The following WDSUB1 variants were observed in gnomAD, a reference collection of about 807,000 sequenced individuals.
The protein encoded by WDSUB1 is WD repeat, sterile alpha motif and U-box domain containing 1.
In WDSUB1, 49 loss-of-function variants were observed where a neutral mutation model predicts 53.9. The ratio of observed to expected loss-of-function variants is 0.91; its 90% CI spans 0.72 to 1.15. The LOEUF is 1.15. Among genes scored for constraint, WDSUB1 ranks in the 50% most tolerant of loss-of-function variants. The pLI is 0.00. For synonymous variants in WDSUB1, 194 were observed against 200.6 expected (o/e 0.97, Z 0.28); for missense variants, 514 against 562.0 (o/e 0.91, Z 0.86).
chr2:159,250,088 C>CAAACAAAAAAAAA (rs2060914785), intron 9 of WDSUB1, among the ~76,000 whole-genome samples: 1 of 83,528 alleles, frequency 1.2e-5, no homozygotes, highest in Non-Finnish European at 2.7e-5. Context: ...GACTCTGCCT[C>CAAACAAAAAAAAA]AAAAAAAAAA....
At chr2:159,275,894 C>G (rs935965788) in intron 3 of WDSUB1, among the ~76,000 whole-genome samples, 5 of 152,190 alleles carry the variant, frequency 3.3e-5, no homozygotes, top group African/African-American at 1.2e-4. Context: ...GAACTCAAGG[C>G]TGCAAGGACC....
At chr2:159,272,266 A>G (rs2061458226) in intron 4 of WDSUB1, among the ~76,000 whole-genome samples, 1 of 152,248 alleles carries the variant, frequency 6.6e-6, no homozygotes, top group Non-Finnish European at 1.5e-5. Context: ...TCGGTTACGG[A>G]TTGCAGAAAC....
At chr2:159,263,337 T>C (rs574161125) in intron 5 of WDSUB1, among the ~76,000 whole-genome samples, 2 of 152,348 alleles carry the variant, frequency 1.3e-5, no homozygotes, top group Admixed American at 1.3e-4. Flanking sequence ...TAGAAAGGAT[T>C]TGCAGTCTCT....
intron 9 of WDSUB1, among the ~76,000 whole-genome samples, chr2:159,253,970 TTATTC>T (rs1164363527): frequency 6.6e-6 from 1 of 152,204 alleles, no homozygotes; most frequent in African/African-American, 2.4e-5. Context: ...TTTTACTACT[TTATTC>T]TAATTTGTTG....
At chr2:159,246,750 G>C (rs911224270) in intron 10 of WDSUB1, among the ~76,000 whole-genome samples, 1 of 152,258 alleles carries the variant, frequency 6.6e-6, no homozygotes, top group Middle Eastern at 3.4e-3. Flanking sequence ...AAAGTCCACT[G>C]ACAGGTTAAT....
At chr2:159,274,449 A>T (rs2061500389) in intron 4 of WDSUB1, among the ~76,000 whole-genome samples, 2 of 152,228 alleles carry the variant, frequency 1.3e-5, no homozygotes, top group African/African-American at 4.8e-5. Context: ...AAGGAAAATT[A>T]GAATGACACA....
rs144493205 is a variant in WDSUB1, at chr2:159,236,082, C to T, written c.1382G>A (p.Arg461Lys). ...VLPSAVLTPN[R>K]TLKMAINRWL... is the part of the protein sequence containing the mutation. ...TCTATTGATGGCCATTTTCAGAGTC[C>T]TATTTGGTGTAAGTACCGCTGAAGG... is the stretch of plus-strand genomic sequence containing the variant. The change falls in exon 11 of 11, where the codon AGG becomes AAG. Residue 461 changes from arginine (R) to lysine (K), a missense_variant. Coordinates refer to ENST00000359774, the MANE Select transcript of WDSUB1 (RefSeq NM_001128212.3). 5.6e-6 allele frequency: 9 copies of T among 1,613,232 alleles called. No homozygotes were observed. In the African/African-American group the frequency reaches 9.3e-5, roughly 17 times the overall value.
At chr2:159,268,661 A>T (rs77602681) in intron 5 of WDSUB1, among the ~76,000 whole-genome samples, 2 of 152,220 alleles carry the variant, frequency 1.3e-5, no homozygotes, top group African/African-American at 4.8e-5. Context: ...ATCAGACAGG[A>T]AAGTTTTAGA....
intron 5 of WDSUB1, among the ~76,000 whole-genome samples, chr2:159,262,516 T>TG (rs1339535219): frequency 1.6e-5 from 2 of 122,754 alleles, no homozygotes; most frequent in Non-Finnish European, 4.2e-5. Flanking sequence ...ACTGAATCCA[T>TG]GGAAAAAAAA....
chr2:159,240,080 C>A (rs1458873429), intron 10 of WDSUB1, among the ~76,000 whole-genome samples: 1 of 152,284 alleles, frequency 6.6e-6, no homozygotes, highest in South Asian at 2.1e-4. Flanking sequence ...AGCGTGTGGC[C>A]ACCTCTAACT....
chr2:159,246,045 G>C (rs903291381), intron 10 of WDSUB1, among the ~76,000 whole-genome samples: 7 of 152,094 alleles, frequency 4.6e-5, no homozygotes, highest in Non-Finnish European at 8.8e-5. Context: ...GAAAAAACTT[G>C]AAGATATAAA....
At chr2:159,237,395 CCTGT>C (rs2060510616) in intron 10 of WDSUB1, among the ~76,000 whole-genome samples, 1 of 152,130 alleles carries the variant, frequency 6.6e-6, no homozygotes, top group Non-Finnish European at 1.5e-5. Flanking sequence ...GTGGCAGGTG[CCTGT>C]AATTCCAGCT....
intron 5 of WDSUB1, 85 bp downstream of exon 5, chr2:159,271,617 A>G (rs939275838): frequency 8.5e-6 from 10 of 1,172,082 alleles, no homozygotes; most frequent in Admixed American, 1.8e-5. Context: ...TCATCAAGCT[A>G]TTCTTTGAGG....
At chr2:159,264,804 C>G (rs1435992724) in intron 5 of WDSUB1, among the ~76,000 whole-genome samples, 1 of 152,136 alleles carries the variant, frequency 6.6e-6, no homozygotes, top group Non-Finnish European at 1.5e-5. Flanking sequence ...AGGAAAAGGG[C>G]CAGGCGCAGT....
intron 10 of WDSUB1, among the ~76,000 whole-genome samples, chr2:159,244,943 T>C (rs749343117): frequency 6.6e-6 from 1 of 152,054 alleles, no homozygotes; most frequent in Non-Finnish European, 1.5e-5. Flanking sequence ...AAAGTAAAAA[T>C]TTAAACATTT....
chr2:159,251,072 G>A (rs2060940345), intron 9 of WDSUB1, among the ~76,000 whole-genome samples: 1 of 147,686 alleles, frequency 6.8e-6, no homozygotes, highest in Admixed American at 6.9e-5. Context: ...AGACCAGCCT[G>A]GGCAACATAG....
At position 159,244,387 on chromosome 2, in the gene WDSUB1, A is replaced by AG. The variant is rs935667496; in HGVS notation, c.1273+3984_1273+3985insC. On this transcript the variant is annotated intron_variant, in intron 10 of 10. Coordinates refer to ENST00000359774, the MANE Select transcript of WDSUB1 (RefSeq NM_001128212.3). Reference sequence around the variant, plus strand: ...TCCACTGATTCAACTAACTGCTGATAAAAAAAAAAAAAAAGCCAATACAGT... The same window carrying AG: ...TCCACTGATTCAACTAACTGCTGATAGAAAAAAAAAAAAAAGCCAATACAGT... Among the ~76,000 whole-genome samples the AG allele has an allele frequency of 5.4e-5, 5 of 91,912 alleles. No individual in the cohort carries two copies. In the African/African-American group the frequency reaches 8.8e-4, roughly 16 times the overall value. The allele number at this position is 91,912 out of a possible 152,430, so 60.3% of individuals were successfully genotyped here.
chr2:159,256,350 C>T lies in WDSUB1; in HGVS notation c.978G>A (p.Lys326=), dbSNP rs751783418. The T allele has an allele frequency of 3.4e-5, 55 of 1,611,814 alleles. No homozygotes were observed. The highest frequency in any genetic ancestry group is 4.7e-5 in the Non-Finnish European group (55 of 1,179,354). The change falls in exon 9 of 11, where the codon AAG becomes AAA. Residue 326 remains lysine, a synonymous_variant. Coordinates refer to ENST00000359774, the MANE Select transcript of WDSUB1 (RefSeq NM_001128212.3). ...CQARRTEHQL[K]QFTEDWSEED... is the part of the protein sequence containing the mutation. ...CCTCTGACCAATCTTCGGTAAATTG[C>T]TTCAGCTGATGTTCTGTGCGCCTTG... is the stretch of plus-strand genomic sequence containing the variant.
intron 5 of WDSUB1, among the ~76,000 whole-genome samples, chr2:159,261,870 ATATATATATATATATATATATATATATT>A (rs544546141): frequency 0.024 from 343 of 14,066 alleles, 13 homozygotes; most frequent in East Asian, 0.045. Flanking sequence ...ATATATATAT[ATATATATATATATATATATATATATATT>A]TTTTTTTTTT....
Sources: allele counts gnomAD v4.1 joint callset (sites outside exome capture counted in the v4.1 genomes callset), GRCh38; gene constraint gnomAD v4.1.1; transcripts MANE v1.5; gene names NCBI Gene and HGNC (gene_info 2026-07-23, HGNC 2026-07-21).